Variants in KIF26B observed in about 807,000 individuals in gnomAD.
The protein encoded by KIF26B is kinesin family member 26B, also known as kinesin-like protein KIF26B.
In KIF26B, 63 loss-of-function variants were observed where a neutral mutation model predicts 151.2. The observed-to-expected ratio is 0.42, with a 90% CI of 0.34 to 0.51. KIF26B has a LOEUF of 0.51. Ranked by LOEUF, KIF26B falls within the 20% of genes least tolerant of loss-of-function variation. The pLI is 0.07. For missense variants in KIF26B, 2,813 were observed against 2,913.6 expected, an observed-to-expected ratio of 0.97 and a Z score of 0.79; for synonymous variants, 1,357 against 1,262.1, an observed-to-expected ratio of 1.08 and a Z score of -1.59.
At position 245,646,132 on chromosome 1, in the gene KIF26B, C is replaced by T. The variant is rs754222042; in HGVS notation, c.2110C>T (p.Arg704Cys). The T allele has an allele frequency of 8.7e-6, 14 of 1,613,726 alleles. No individual in the cohort carries two copies. Among genetic ancestry groups the T allele is most frequent in the Admixed American group, 3.3e-5 (2 of 59,998 alleles). ...KSGKGGMSGGRSRLHLIDLGS... is the reference protein window; with the variant it reads ...KSGKGGMSGGCSRLHLIDLGS... ...CTCCCCTGTGGTAGTGTCTGGAGGT[C>T]GCAGCCGCCTGCATCTCATTGATCT... Residue 704 changes from arginine (R) to cysteine (C), a missense_variant, in exon 10 of 15, where the codon CGC becomes TGC. By Grantham distance (180) the Arg-to-Cys change is radical. Coordinates refer to ENST00000407071, the MANE Select transcript of KIF26B (RefSeq NM_018012.4).
Position 245,686,205 on chromosome 1 carries a change from C to T in KIF26B, c.3222C>T (p.Ser1074=). 2 of 1,612,638 alleles carry T rather than the reference C, an allele frequency of 1.2e-6. No individual in the cohort carries two copies. The highest frequency in any genetic ancestry group is 1.7e-6 in the Non-Finnish European group (2 of 1,179,892). Residue 1074 remains serine, a synonymous_variant, in exon 12 of 15, where the codon TCC becomes TCT. Transcript: ENST00000407071. This position sits in a 1 kb window ranked among gnomAD's most constrained non-coding sequence, Gnocchi z 5.6. ...CCCGGCTGGGCATCGCCAGCCTGTC[C>T]AAGACCTCGGAGTACAAGCCACCCA... ...GSPRLGIASL[S]KTSEYKPPSS...
chr1:245,634,807 T>C (rs1345325872), intron 9 of KIF26B, among the ~76,000 whole-genome samples: 2 of 152,126 alleles, frequency 1.3e-5, no homozygotes, highest in African/African-American at 4.8e-5. Flanking sequence ...ACTCCTGTGC[T>C]CCAGCAATCC....
chr1:245,627,547 C>T (rs577087249), intron 9 of KIF26B, among the ~76,000 whole-genome samples: 4 of 151,932 alleles, frequency 2.6e-5, no homozygotes, highest in Non-Finnish European at 4.4e-5. Flanking sequence ...GATCTCAGAT[C>T]GACACCTTAA....
In KIF26B at chr1:245,709,360, T is replaced by TG. The variant is rs2044878606; in HGVS notation, c.*6755dup. 6.6e-6 allele frequency: 1 copy of TG among 152,170 alleles called. No homozygotes were observed. Among genetic ancestry groups the TG allele is most frequent in the African/African-American group, 2.4e-5 (1 of 41,440 alleles). The allele number at this position is 152,170 out of a possible 1,614,324, so 9.4% of individuals were successfully genotyped here. On this transcript the variant is annotated 3_prime_UTR_variant, in exon 15 of 15. Transcript: ENST00000407071. ...TTTTTGTGGCATATGAGGTGTAAAATGTTGTCAAAAAAGAATCTGGTGTTT... is the reference window on the plus strand; with the variant it reads ...TTTTTGTGGCATATGAGGTGTAAAATGGTTGTCAAAAAAGAATCTGGTGTTT...
chr1:245,403,978 G>C (rs1343604605), intron 3 of KIF26B, among the ~76,000 whole-genome samples: 1 of 152,140 alleles, frequency 6.6e-6, no homozygotes, highest in South Asian at 2.1e-4. Context: ...TCTTTTTGGA[G>C]ATGGCCTGAT....
chr1:245,648,024 G>T (rs1338932177), intron 10 of KIF26B, among the ~76,000 whole-genome samples: 1 of 152,138 alleles, frequency 6.6e-6, no homozygotes, highest in African/African-American at 2.4e-5. Context: ...GGCAGGGGAG[G>T]GAAACCGTTG....
intron 4 of KIF26B, among the ~76,000 whole-genome samples, chr1:245,520,114 T>TGAGAGAGAAAGA (rs1661056645): frequency 7.5e-6 from 1 of 132,458 alleles, no homozygotes; most frequent in African/African-American, 2.9e-5. Context: ...CTCAACTAAC[T>TGAGAGAGAAAGA]GAGAGAGAGA....
intron 4 of KIF26B, among the ~76,000 whole-genome samples, chr1:245,450,407 A>T (rs556839536): frequency 6.6e-6 from 1 of 152,320 alleles, no homozygotes; most frequent in South Asian, 2.1e-4. Flanking sequence ...ATTTCCACTC[A>T]GTTTTAATGC....
rs2044807050 is a variant in KIF26B at position 245,703,911 on chromosome 1, C to T, written c.*1305C>T. On this transcript the variant is annotated 3_prime_UTR_variant, in exon 15 of 15. Transcript: ENST00000407071. ...CTGCCCAAAGGCAGAGAGAGCTTCC[C>T]CTCCATAACTCACACGACCCTGGAT... 1 of 152,232 alleles carries T rather than the reference C, an allele frequency of 6.6e-6. No individual in the cohort carries two copies. Among genetic ancestry groups the T allele is most frequent in the Admixed American group, 6.5e-5 (1 of 15,280 alleles). The allele number at this position is 152,232 out of a possible 1,614,324, so 9.4% of individuals were successfully genotyped here.
intron 2 of KIF26B, among the ~76,000 whole-genome samples, chr1:245,210,055 A>T (rs1669483810): frequency 6.6e-6 from 1 of 152,226 alleles, no homozygotes; most frequent in Non-Finnish European, 1.5e-5. Context: ...GCCAGGAAGG[A>T]TGTAAGCCTA....
intron 10 of KIF26B, among the ~76,000 whole-genome samples, chr1:245,681,504 C>T (rs12691525): frequency 0.076 from 11,519 of 152,124 alleles, 670 homozygotes; most frequent in African/African-American, 0.16. Flanking sequence ...CCACCGCGCC[C>T]GGCCGGTCTT....
chr1:245,316,624 T>C (rs1381305723), intron 2 of KIF26B, among the ~76,000 whole-genome samples: 5 of 152,184 alleles, frequency 3.3e-5, no homozygotes, highest in Admixed American at 3.3e-4. Flanking sequence ...TTCCTATTCC[T>C]GCATTTATAA....
At chr1:245,522,397 T>G (rs972626291) in intron 4 of KIF26B, among the ~76,000 whole-genome samples, 1 of 152,246 alleles carries the variant, frequency 6.6e-6, no homozygotes, top group Non-Finnish European at 1.5e-5. Flanking sequence ...GCTCTCTAAG[T>G]GCCTCAGAAC....
intron 5 of KIF26B, among the ~76,000 whole-genome samples, chr1:245,586,199 T>TGTGTGTGTGTGTG (rs1440046570): frequency 1.7e-5 from 2 of 118,696 alleles, no homozygotes; most frequent in African/African-American, 6.8e-5. Context: ...GTGTGTGTGT[T>TGTGTGTGTGTGTG]TGTTTTAATA....
chr1:245,514,696 G>T (rs914427309), intron 4 of KIF26B, among the ~76,000 whole-genome samples: 1 of 152,064 alleles, frequency 6.6e-6, no homozygotes, highest in Non-Finnish European at 1.5e-5. Flanking sequence ...ATTTTTTCTC[G>T]TATCTTCCTC....
intron 2 of KIF26B, among the ~76,000 whole-genome samples, chr1:245,304,510 G>A (rs992512795): frequency 6.6e-5 from 10 of 152,188 alleles, no homozygotes; most frequent in African/African-American, 2.4e-4. Context: ...CTAACTTTGA[G>A]GAGGAAGTAT....
At chr1:245,189,338 T>C (rs974870179) in intron 2 of KIF26B, among the ~76,000 whole-genome samples, 1 of 152,236 alleles carries the variant, frequency 6.6e-6, no homozygotes, top group Non-Finnish European at 1.5e-5. Context: ...TGGTTAACTT[T>C]TCAATATCAT....
At chr1:245,690,365 A>G (rs756313357) in intron 12 of KIF26B, among the ~76,000 whole-genome samples, 11 of 152,140 alleles carry the variant, frequency 7.2e-5, no homozygotes, top group Non-Finnish European at 1.3e-4. Flanking sequence ...TGCCCGCAGC[A>G]TATGTGGAAG....
At chr1:245,413,222 TTC>T (rs1674330036) in intron 3 of KIF26B, among the ~76,000 whole-genome samples, 1 of 152,226 alleles carries the variant, frequency 6.6e-6, no homozygotes, top group Non-Finnish European at 1.5e-5. Flanking sequence ...AATGAGGCCT[TTC>T]CACTAGCACT....
Sources: gnomAD v4.1 joint callset for allele counts (sites outside exome capture counted in the v4.1 genomes callset) on GRCh38, gnomAD v4.1.1 for gene constraint, Gnocchi (gnomAD v3.1) non-coding constraint, MANE v1.5 for transcripts, NCBI Gene and HGNC (gene_info 2026-07-23, HGNC 2026-07-21) for gene names.